EXD3: variants seen among roughly 807,000 people sequenced by gnomAD.
EXD3 encodes exonuclease mut-7 homolog.
A neutral mutation model predicts 98.0 loss-of-function variants in EXD3; 92 were observed. The ratio of observed to expected loss-of-function variants is 0.94; its 90% CI spans 0.79 to 1.12. EXD3 has a LOEUF of 1.12. Ranked by LOEUF, EXD3 falls within the 50% of genes most tolerant of loss-of-function variation. The pLI is 0.00. For synonymous variants in EXD3, 569 were observed against 526.0 expected, an observed-to-expected ratio of 1.08 and a Z score of -1.12; for missense variants, 1,222 against 1,191.6, an observed-to-expected ratio of 1.03 and a Z score of -0.38.
rs1831084686 is a variant in EXD3, at chr9:137,307,135, C to A, written c.2446G>T (p.Val816Phe). The A allele has an allele frequency of 6.2e-7, 1 of 1,600,108 alleles. No homozygotes were observed. Residue 816 changes from valine (V) to phenylalanine (F), a missense_variant, in exon 22 of 22, where the codon GTC (valine) becomes TTC (phenylalanine). By Grantham distance (50) the Val-to-Phe change is conservative (BLOSUM62 -1). Transcript: ENST00000340951. ...ADGTRLQLAG[V>F]PVGVLRTPGL... ...GGTGTCCTCAGCACACCCACCGGGA[C>A]CCCTGCCAGCTGCAGCCGGGTGCCG...
intron 2 of EXD3, chr9:137,392,681 CA>C: frequency 2.9e-6 from 1 of 341,212 alleles, no homozygotes; most frequent in Non-Finnish European, 5.7e-6. Context: ...CAGGCTGTTC[CA>C]GGGGGTGCTG....
intron 7 of EXD3, chr9:137,365,117 A>G (rs1835159343): frequency 6.7e-6 from 1 of 149,840 alleles, no homozygotes; most frequent in Non-Finnish European, 1.5e-5. Context: ...GCAACCGACT[A>G]TGTGCTCACC....
rs575502350 is a variant in EXD3 at position 137,347,535 on chromosome 9, C to A, written c.1998+536G>T. Among the ~76,000 whole-genome samples, 1 of 152,066 alleles carries A rather than the reference C, an allele frequency of 6.6e-6. No homozygotes were observed. Among genetic ancestry groups the A allele is most frequent in the South Asian group, 2.1e-4 (1 of 4,796 alleles). ...CTCAGCTCACTGTAACCTCTGCCTC[C>A]GGTGTTTAAGCGATTCTCGTGTCTC... On this transcript the variant is annotated intron_variant, in intron 17 of 21. Transcript: ENST00000340951. This position sits in a 1 kb window ranked among gnomAD's most constrained non-coding sequence, Gnocchi z 4.2.
chr9:137,354,248 T>G, intron 10 of EXD3, 91 bp downstream of exon 10: 1 of 1,550,044 alleles, frequency 6.5e-7, no homozygotes, highest in Non-Finnish European at 8.7e-7. Context: ...GCCTCAGCTC[T>G]GCGCACTTCC....
chr9:137,361,812 T>C lies in EXD3; in HGVS notation c.656+4681A>G, dbSNP rs541599545. Reference sequence around the variant, plus strand: ...GAAATATGAGGCCAAATGTGATGAGTAGAAACTGACCTAGAAATGACATAG... The same window carrying C: ...GAAATATGAGGCCAAATGTGATGAGCAGAAACTGACCTAGAAATGACATAG... On this transcript the variant is annotated intron_variant, in intron 7 of 21. Coordinates refer to ENST00000340951, the MANE Select transcript of EXD3 (RefSeq NM_017820.5). 1.0e-4 allele frequency among the ~76,000 whole-genome samples: 15 copies of C among 144,956 alleles called. No homozygotes were observed. The South Asian group carries it at 3.3e-3, about 32-fold the overall frequency.
chr9:137,383,623 C>G (rs148203847), intron 2 of EXD3, among the ~76,000 whole-genome samples: 1 of 152,362 alleles, frequency 6.6e-6, no homozygotes, highest in East Asian at 1.9e-4. Flanking sequence ...AGCAGCACTT[C>G]AACCACGCTC....
Position 137,395,520 on chromosome 9 carries a change from G to T in EXD3, c.-47-116C>A. On this transcript the variant is annotated intron_variant, in intron 1 of 21. Coordinates refer to ENST00000340951, the MANE Select transcript of EXD3 (RefSeq NM_017820.5). This position sits in a 1 kb window ranked among gnomAD's most constrained non-coding sequence, Gnocchi z 6.5. Reference sequence around the variant, plus strand: ...GGAGCTGGTGCCTGGGGGGGCCCAAGTGGGACCCCCAGTCGCTGAGCATAG... The same window carrying T: ...GGAGCTGGTGCCTGGGGGGGCCCAATTGGGACCCCCAGTCGCTGAGCATAG... The T allele has an allele frequency of 5.3e-6, 5 of 934,786 alleles. No homozygotes were observed. Among genetic ancestry groups the T allele is most frequent in the Non-Finnish European group, 8.0e-6 (5 of 622,428 alleles). The allele number at this position is 934,786 out of a possible 1,614,324, so 57.9% of individuals were successfully genotyped here.
chr9:137,315,087 G>A (rs1831571566), intron 19 of EXD3, among the ~76,000 whole-genome samples: 1 of 152,152 alleles, frequency 6.6e-6, no homozygotes, highest in Non-Finnish European at 1.5e-5. Context: ...GGAGCCACCA[G>A]CCCTGCCTGG....
chr9:137,376,599 A>AC (rs932268316), intron 3 of EXD3, among the ~76,000 whole-genome samples: 6 of 150,928 alleles, frequency 4.0e-5, no homozygotes, highest in African/African-American at 7.3e-5. Flanking sequence ...AGGCACAGAG[A>AC]CCCCCCCACC....
chr9:137,374,462 C>T (rs1426576933), intron 3 of EXD3: 2 of 695,468 alleles, frequency 2.9e-6, no homozygotes, highest in Non-Finnish European at 3.5e-6. Flanking sequence ...GGTGTGCTCT[C>T]CACGGGGCTC....
In EXD3 at chr9:137,350,054, T is replaced by G. The variant is rs567508036; in HGVS notation, c.1495-523A>C. On this transcript the variant is annotated intron_variant, in intron 14 of 21. Coordinates refer to ENST00000340951, the MANE Select transcript of EXD3 (RefSeq NM_017820.5). ...GAGGGGTGGGGATCACGGGGAAGGT[T>G]CTAGATAGAGAGGGGTGGGGATCAC... Among the ~76,000 whole-genome samples, 259 of 63,062 alleles carry G rather than the reference T, an allele frequency of 4.1e-3. No homozygotes were observed. In the Middle Eastern group the frequency reaches 0.049, roughly 12 times the overall value. The allele number at this position is 63,062 out of a possible 152,430, so 41.4% of individuals were successfully genotyped here.
intron 3 of EXD3, among the ~76,000 whole-genome samples, chr9:137,374,029 C>G (rs75974445): frequency 0.026 from 3,960 of 152,342 alleles, 177 homozygotes; most frequent in African/African-American, 0.09. Context: ...ATCCCTGACC[C>G]GCAGGAGATT....
intron 17 of EXD3, among the ~76,000 whole-genome samples, chr9:137,332,748 G>A (rs1158935703): frequency 1.3e-5 from 2 of 152,218 alleles, no homozygotes; most frequent in Non-Finnish European, 2.9e-5. Flanking sequence ...GGGAGGCTGA[G>A]GCAGGGGAAT....
Position 137,324,587 on chromosome 9 carries a change from T to C in EXD3, c.1999-444A>G, listed in dbSNP as rs1832286620. The stretch of plus-strand genomic sequence containing the variant: ...CTGGGTGACAGTGTCGACGTGGCTC[T>C]TCCCAAAGCTTTGTATGAACTGTGG... On this transcript the variant is annotated intron_variant, in intron 17 of 21. Coordinates refer to ENST00000340951, the MANE Select transcript of EXD3 (RefSeq NM_017820.5). This position sits in a 1 kb window ranked among gnomAD's most constrained non-coding sequence, Gnocchi z 4.1. 6.6e-6 allele frequency among the ~76,000 whole-genome samples: 1 copy of C among 152,246 alleles called. No individual in the cohort carries two copies. The highest frequency in any genetic ancestry group is 1.5e-5 in the Non-Finnish European group (1 of 68,050).
chr9:137,322,584 C>T (rs1047757672), intron 19 of EXD3, among the ~76,000 whole-genome samples: 1 of 85,356 alleles, frequency 1.2e-5, no homozygotes, highest in African/African-American at 5.0e-5. Context: ...CACCTCACCC[C>T]GGACCACGAG....
intron 1 of EXD3, among the ~76,000 whole-genome samples, chr9:137,418,437 A>G (rs1156945417): frequency 6.6e-6 from 1 of 152,252 alleles, no homozygotes; most frequent in East Asian, 1.9e-4. Flanking sequence ...GTTTAAGCTT[A>G]TATACTTTAG....
At chr9:137,369,344 C>T (rs993400224) in intron 5 of EXD3, among the ~76,000 whole-genome samples, 1 of 152,140 alleles carries the variant, frequency 6.6e-6, no homozygotes, top group African/African-American at 2.4e-5. Context: ...TCAGGGACCC[C>T]CTGAGAAGCT....
chr9:137,385,308 C>G lies in EXD3; in HGVS notation c.56-1931G>C, dbSNP rs1031691925. The stretch of plus-strand genomic sequence containing the variant: ...AGTGCATCAGCCCCGGGACGATGCC[C>G]AGGTGGGGAGGACGTACCCCACCAC... On this transcript the variant is annotated intron_variant, in intron 2 of 21. Transcript: ENST00000340951. This position sits in a 1 kb window ranked among gnomAD's most constrained non-coding sequence, Gnocchi z 4.4. Among the ~76,000 whole-genome samples, 2 of 152,046 alleles carry G rather than the reference C, an allele frequency of 1.3e-5. No individual in the cohort carries two copies. Among genetic ancestry groups the G allele is most frequent in the Non-Finnish European group, 2.9e-5 (2 of 68,026 alleles).
At chr9:137,411,225 G>A (rs932805539) in intron 1 of EXD3, among the ~76,000 whole-genome samples, 6 of 152,182 alleles carry the variant, frequency 3.9e-5, no homozygotes, top group Non-Finnish European at 7.4e-5. Context: ...GGAGGGGCAC[G>A]CACGCCCAGA....
Sources: allele counts gnomAD v4.1 joint callset (sites outside exome capture counted in the v4.1 genomes callset), GRCh38; gene constraint gnomAD v4.1.1; non-coding constraint Gnocchi (gnomAD v3.1); transcripts MANE v1.5; gene names NCBI Gene and HGNC (gene_info 2026-07-23, HGNC 2026-07-21).